Variants in ZNF676 observed in about 807,000 individuals in gnomAD.
The protein encoded by ZNF676 is zinc finger protein 676.
A neutral mutation model predicts 6.0 loss-of-function variants in ZNF676; 4 were observed. That is an observed-to-expected ratio of 0.67 (90% confidence interval 0.33 to 1.53). The LOEUF is 1.53. Ranked by LOEUF, ZNF676 falls within the 40% of genes most tolerant of loss-of-function variation. The probability of loss-of-function intolerance (pLI) is 0.06; values close to 1 mark genes in which losing one functional copy is unlikely to be tolerated. For missense variants in ZNF676, 644 were observed against 679.7 expected, an observed-to-expected ratio of 0.95 and a Z score of 0.58; for synonymous variants, 198 against 223.1, an observed-to-expected ratio of 0.89 and a Z score of 1.00.
chr19:22,215,778 C>T (rs1379666290), upstream of ZNF676: 5 of 1,015,862 alleles, frequency 4.9e-6, no homozygotes, highest in South Asian at 6.4e-5. Flanking sequence ...GGACCGACCA[C>T]ATCCCGGAAG....
chr19:22,240,931 G>T, the ZNF676 span, among the ~76,000 whole-genome samples: 2 of 151,982 alleles, frequency 1.3e-5, no homozygotes, highest in South Asian at 4.1e-4. Context: ...AATGTCCCCT[G>T]TAGGAAAGGC....
chr19:22,192,340 T>C (rs1196519907), intron 2 of ZNF676, among the ~76,000 whole-genome samples: 1 of 152,088 alleles, frequency 6.6e-6, no homozygotes, highest in African/African-American at 2.4e-5. Context: ...ATTTTATGTC[T>C]ATAGATTCAA....
the ZNF676 span, among the ~76,000 whole-genome samples, chr19:22,258,789 C>T: frequency 1.3e-5 from 2 of 152,136 alleles, no homozygotes; most frequent in East Asian, 1.9e-4. Context: ...CTGAGTTCAG[C>T]GATGTGTCAC....
chr19:22,252,958 C>A, the ZNF676 span, among the ~76,000 whole-genome samples: 1 of 152,132 alleles, frequency 6.6e-6, no homozygotes, highest in African/African-American at 2.4e-5. Context: ...CTGATCATGT[C>A]TTGGTTCTAG....
At chr19:22,191,520 C>A (rs1193034211) in intron 2 of ZNF676, among the ~76,000 whole-genome samples, 1 of 152,122 alleles carries the variant, frequency 6.6e-6, no homozygotes, top group African/African-American at 2.4e-5. Context: ...AGCCACAGTT[C>A]ATGGCCAGTT....
At chr19:22,223,521 T>A in the ZNF676 span, among the ~76,000 whole-genome samples, 276 of 151,998 alleles carry the variant, frequency 1.8e-3, 10 homozygotes, top group East Asian at 0.038. Context: ...CACCTTTTTT[T>A]TTTTTTTAAA....
At chr19:22,210,298 C>A (rs1386856043) in intron 1 of ZNF676, among the ~76,000 whole-genome samples, 1 of 152,220 alleles carries the variant, frequency 6.6e-6, no homozygotes, top group African/African-American at 2.4e-5. Flanking sequence ...TCAGCACAGA[C>A]CCTGATTCAG....
rs552789071 is a variant in ZNF676, at chr19:22,202,962, C to T, written c.4-6236G>A. Among the ~76,000 whole-genome samples, 11 of 152,288 alleles carry T rather than the reference C, an allele frequency of 7.2e-5. No homozygotes were observed. In the South Asian group the frequency reaches 2.3e-3, roughly 32 times the overall value. On this transcript the variant is annotated intron_variant, in intron 1 of 3. Transcript: ENST00000650058. ...TTTTAAAGCAATAGCTCTCTACTCT[C>T]TGAGCACTGGGCTAGAACACTCCTG... is the stretch of plus-strand genomic sequence containing the variant.
chr19:22,230,508 G>GAAA, the ZNF676 span, among the ~76,000 whole-genome samples: 1 of 150,388 alleles, frequency 6.6e-6, no homozygotes. Context: ...AATAAAAAAG[G>GAAA]AAAAAAAAGA....
At chr19:22,208,081 CA>C (rs1439107467) in intron 1 of ZNF676, among the ~76,000 whole-genome samples, 7 of 150,118 alleles carry the variant, frequency 4.7e-5, no homozygotes, top group Admixed American at 4.7e-4. Flanking sequence ...AAAGCAATTG[CA>C]AAAGTTGACA....
At chr19:22,242,126 C>G in the ZNF676 span, among the ~76,000 whole-genome samples, 3 of 151,902 alleles carry the variant, frequency 2.0e-5, no homozygotes, top group Non-Finnish European at 4.4e-5. Flanking sequence ...AGTATCTCTC[C>G]TGGTGACTGG....
At chr19:22,211,949 CA>C in intron 1 of ZNF676, among the ~76,000 whole-genome samples, 1 of 152,178 alleles carries the variant, frequency 6.6e-6, no homozygotes, top group African/African-American at 2.4e-5. Context: ...CCTGTAATCT[CA>C]GCACTTTGGG....
the ZNF676 span, among the ~76,000 whole-genome samples, chr19:22,228,956 T>A: frequency 6.6e-6 from 1 of 152,082 alleles, no homozygotes; most frequent in African/African-American, 2.4e-5. Context: ...CCCAATGCCA[T>A]CCCCATGAAG....
intron 1 of ZNF676, among the ~76,000 whole-genome samples, chr19:22,211,235 C>G (rs2024126922): frequency 6.6e-6 from 1 of 152,050 alleles, no homozygotes; most frequent in South Asian, 2.1e-4. Flanking sequence ...CTGTGGGGCC[C>G]CAGCTTTCCA....
At chr19:22,182,279 T>G (rs1459147158) in intron 2 of ZNF676, among the ~76,000 whole-genome samples, 1 of 152,124 alleles carries the variant, frequency 6.6e-6, no homozygotes, top group Non-Finnish European at 1.5e-5. Flanking sequence ...TTTCTGACTA[T>G]GCCAGGACAA....
At chr19:22,216,106 G>T (rs1177365321), upstream of ZNF676, among the ~76,000 whole-genome samples, 2 of 152,190 alleles carry the variant, frequency 1.3e-5, no homozygotes, top group Non-Finnish European at 2.9e-5. Flanking sequence ...TTTTGTACAA[G>T]AGTAAATCAA....
the ZNF676 span, among the ~76,000 whole-genome samples, chr19:22,228,056 G>C: frequency 6.6e-6 from 1 of 152,122 alleles, no homozygotes; most frequent in Non-Finnish European, 1.5e-5. Context: ...AACAAAAAAA[G>C]AAAACTTCAG....
chr19:22,184,528 C>T (rs1256908743), intron 2 of ZNF676, among the ~76,000 whole-genome samples: 1 of 152,086 alleles, frequency 6.6e-6, no homozygotes, highest in Non-Finnish European at 1.5e-5. Flanking sequence ...GAACCATTCA[C>T]TCCCCTGGAA....
At chr19:22,230,669 A>AT in the ZNF676 span, among the ~76,000 whole-genome samples, 4 of 56,112 alleles carry the variant, frequency 7.1e-5, no homozygotes, top group East Asian at 4.9e-4. Flanking sequence ...ATATATATAT[A>AT]TTTTTTTGAG....
Sources: gnomAD v4.1 joint callset for allele counts (sites outside exome capture counted in the v4.1 genomes callset) on GRCh38, gnomAD v4.1.1 for gene constraint, MANE v1.5 for transcripts, NCBI Gene and HGNC (gene_info 2026-07-23, HGNC 2026-07-21) for gene names.